Variants in PPHLN1 observed in about 807,000 individuals in gnomAD.
PPHLN1 encodes periphilin 1, also known as periphilin-1.
PPHLN1 carries 29 observed loss-of-function variants against 51.3 expected under a neutral mutation model. The ratio of observed to expected loss-of-function variants is 0.57; its 90% CI spans 0.42 to 0.77. The LOEUF (loss-of-function observed/expected upper bound fraction) is 0.77. Ranked by LOEUF, PPHLN1 falls within the 30% of genes least tolerant of loss-of-function variation. The pLI is 0.00. For missense variants in PPHLN1, 436 were observed against 438.4 expected (o/e 0.99, Z 0.05); for synonymous variants, 147 against 147.8 (o/e 0.99, Z 0.04).
rs2082862147 is a variant in PPHLN1, at chr12:42,440,657, A to G, written c.910-658A>G. Among the ~76,000 whole-genome samples the G allele has an allele frequency of 2.6e-5, 4 of 152,336 alleles. No homozygotes were observed. In the South Asian group the frequency reaches 6.2e-4, roughly 24 times the overall value. On this transcript the variant is annotated intron_variant, in intron 9 of 9. Coordinates refer to ENST00000358314, the MANE Select transcript of PPHLN1 (RefSeq NM_201439.2). ...GTTTACTTTGGAGGCTCTAGGGAGAATATATTCCCTTGCGTTTCCCAGTTT... is the reference window on the plus strand; with the variant it reads ...GTTTACTTTGGAGGCTCTAGGGAGAGTATATTCCCTTGCGTTTCCCAGTTT...
intron 2 of PPHLN1, among the ~76,000 whole-genome samples, chr12:42,345,936 A>G (rs58594062): frequency 0.12 from 17,562 of 151,766 alleles, 1,296 homozygotes; most frequent in African/African-American, 0.21. Flanking sequence ...TTTAACATTA[A>G]ATTTTATTGT....
chr12:42,412,929 A>G (rs1054959495), intron 9 of PPHLN1, among the ~76,000 whole-genome samples: 2 of 152,178 alleles, frequency 1.3e-5, no homozygotes. Context: ...TCTTTTGAGA[A>G]TTGTCTATTC....
intron 5 of PPHLN1, 50 bp from the exon 6 acceptor site, chr12:42,384,890 T>C (rs765584072): frequency 3.3e-6 from 5 of 1,513,982 alleles, no homozygotes; most frequent in Non-Finnish European, 4.6e-6. Context: ...CTTGTTCCTC[T>C]TGGGCACAGA....
chr12:42,365,735 G>T (rs2075204624), intron 4 of PPHLN1, among the ~76,000 whole-genome samples: 1 of 152,168 alleles, frequency 6.6e-6, no homozygotes, highest in African/African-American at 2.4e-5. Context: ...AGTATAGCTG[G>T]AGTGTTTGCG....
intron 2 of PPHLN1, chr12:42,351,558 A>T (rs1262435830): frequency 6.1e-6 from 1 of 164,526 alleles, no homozygotes; most frequent in African/African-American, 2.4e-5. Flanking sequence ...ATTGTTAGGC[A>T]ATTAGGGATA....
chr12:42,387,559 T>G (rs1441735386), intron 7 of PPHLN1, 24 bp downstream of exon 7: 1 of 1,605,196 alleles, frequency 6.2e-7, no homozygotes, highest in Admixed American at 1.7e-5. Context: ...CTAAAATCAG[T>G]TTAAAGAAGA....
intron 9 of PPHLN1, among the ~76,000 whole-genome samples, chr12:42,418,961 C>T (rs945167161): frequency 1.3e-5 from 2 of 152,008 alleles, no homozygotes; most frequent in Non-Finnish European, 2.9e-5. Flanking sequence ...TTAATCCTCA[C>T]AAAAGGTAAG....
intron 9 of PPHLN1, among the ~76,000 whole-genome samples, chr12:42,416,381 G>A (rs1188838691): frequency 6.6e-6 from 1 of 152,138 alleles, no homozygotes; most frequent in Non-Finnish European, 1.5e-5. Flanking sequence ...CCCAACAGGT[G>A]TAGTGCAATT....
In PPHLN1 at chr12:42,373,035, C is replaced by G. The variant is rs574081593; in HGVS notation, c.300-1828C>G. The stretch of plus-strand genomic sequence containing the variant: ...TGTCCCATCTAAGATACCACTGTCT[C>G]TTGCCTGGACTAAGTTAGGTTCCTC... On this transcript the variant is annotated intron_variant, in intron 4 of 9. Coordinates refer to ENST00000358314, the MANE Select transcript of PPHLN1 (RefSeq NM_201439.2). Among the ~76,000 whole-genome samples the G allele has an allele frequency of 1.8e-4, 27 of 152,318 alleles. 1 individual carries two copies. Among genetic ancestry groups the G allele is most frequent in the African/African-American group, 5.8e-4 (24 of 41,568 alleles).
At chr12:42,447,729 AC>A (rs1249158866), downstream of PPHLN1, 1 of 152,308 alleles carries the variant, frequency 6.6e-6, no homozygotes, top group East Asian at 1.9e-4. Context: ...GATAATACCT[AC>A]CCTAGAGTAC....
intron 2 of PPHLN1, among the ~76,000 whole-genome samples, chr12:42,349,321 G>A (rs2072845361): frequency 6.6e-6 from 1 of 152,186 alleles, no homozygotes; most frequent in Non-Finnish European, 1.5e-5. Flanking sequence ...GTAGGTGTTA[G>A]TATTAATTTC....
At chr12:42,428,642 T>C (rs1439337888) in intron 9 of PPHLN1, among the ~76,000 whole-genome samples, 1 of 151,960 alleles carries the variant, frequency 6.6e-6, no homozygotes, top group Non-Finnish European at 1.5e-5. Flanking sequence ...GGGTGAGGGA[T>C]AAAAAAGACC....
At chr12:42,380,551 A>G (rs1011375742) in intron 5 of PPHLN1, among the ~76,000 whole-genome samples, 8 of 152,148 alleles carry the variant, frequency 5.3e-5, no homozygotes, top group African/African-American at 1.4e-4. Flanking sequence ...ATAGAAAAAG[A>G]CATACGTCTT....
intron 1 of PPHLN1, among the ~76,000 whole-genome samples, chr12:42,328,342 T>A (rs1455045031): frequency 6.6e-6 from 1 of 152,178 alleles, no homozygotes. Flanking sequence ...GAAGTTTGGA[T>A]TTATTATGGT....
At chr12:42,353,044 G>A (rs529078265) in intron 3 of PPHLN1, among the ~76,000 whole-genome samples, 8 of 151,808 alleles carry the variant, frequency 5.3e-5, no homozygotes, top group Middle Eastern at 3.4e-3. Context: ...AGCCGAGATC[G>A]CGCCACTGCA....
intron 9 of PPHLN1, among the ~76,000 whole-genome samples, chr12:42,439,364 T>C (rs2082743509): frequency 6.6e-6 from 1 of 152,274 alleles, no homozygotes; most frequent in South Asian, 2.1e-4. Context: ...GAATTACTTC[T>C]GTGCTCTGTT....
chr12:42,362,642 C>T (rs1316732383), intron 4 of PPHLN1, among the ~76,000 whole-genome samples: 1 of 152,236 alleles, frequency 6.6e-6, no homozygotes, highest in Non-Finnish European at 1.5e-5. Context: ...GACACACACA[C>T]AGACTTTTAC....
intron 4 of PPHLN1, 196 bp from the exon 5 acceptor site, chr12:42,374,667 G>T (rs1462093391): frequency 1.2e-5 from 5 of 408,834 alleles, no homozygotes; most frequent in Admixed American, 8.3e-5. Flanking sequence ...TGTTAGCCAG[G>T]ATGGTCTCCA....
chr12:42,327,581 T>C (rs543258757), intron 1 of PPHLN1, among the ~76,000 whole-genome samples: 39 of 152,236 alleles, frequency 2.6e-4, no homozygotes, highest in Non-Finnish European at 3.7e-4. Flanking sequence ...ACTTGAGGGG[T>C]ATACCCTAAC....
Sources: gnomAD v4.1 joint callset for allele counts (sites outside exome capture counted in the v4.1 genomes callset) on GRCh38, gnomAD v4.1.1 for gene constraint, MANE v1.5 for transcripts, NCBI Gene and HGNC (gene_info 2026-07-23, HGNC 2026-07-21) for gene names.